Variants in WFDC9 observed in about 807,000 individuals in gnomAD.
WFDC9 encodes the protein WAP four-disulfide core domain 9.
In WFDC9, 9 loss-of-function variants were observed where a neutral mutation model predicts 9.5. The ratio of observed to expected loss-of-function variants is 0.95; its 90% CI spans 0.57 to 1.65. The LOEUF (loss-of-function observed/expected upper bound fraction) is 1.65, where lower values mean the gene tolerates loss of function less well. WFDC9 is among the 40% of genes most tolerant of loss of function. The probability of loss-of-function intolerance (pLI) is 0.00; values close to 1 mark genes in which losing one functional copy is unlikely to be tolerated. For synonymous variants in WFDC9, 33 were observed against 32.3 expected, an observed-to-expected ratio of 1.02 and a Z score of -0.07; for missense variants, 87 against 106.7, an observed-to-expected ratio of 0.82 and a Z score of 0.81.
At chr20:45,616,268 C>A (rs573149111) in intron 1 of WFDC9, among the ~76,000 whole-genome samples, 23 of 152,176 alleles carry the variant, frequency 1.5e-4, no homozygotes, top group Non-Finnish European at 3.2e-4. Flanking sequence ...TCACCAGGAG[C>A]AGATTCCATT....
chr20:45,625,208 C>G (rs1982190048), intron 1 of WFDC9, among the ~76,000 whole-genome samples: 1 of 152,044 alleles, frequency 6.6e-6, no homozygotes. Flanking sequence ...GAAACTGCAC[C>G]TTTTAAACAA....
intron 1 of WFDC9, among the ~76,000 whole-genome samples, chr20:45,615,531 AG>A (rs1981953671): frequency 6.6e-6 from 1 of 152,228 alleles, no homozygotes; most frequent in African/African-American, 2.4e-5. Flanking sequence ...ACCATAAAAA[AG>A]GTAATATTGC....
chr20:45,627,290 T>C (rs1176788385), intron 1 of WFDC9, among the ~76,000 whole-genome samples: 4 of 152,210 alleles, frequency 2.6e-5, no homozygotes, highest in Non-Finnish European at 4.4e-5. Context: ...TTATGCTGTC[T>C]TGTTATTGTC....
At chr20:45,609,209 T>TC (rs1470714495) in intron 3 of WFDC9, among the ~76,000 whole-genome samples, 3 of 141,836 alleles carry the variant, frequency 2.1e-5, no homozygotes, top group Non-Finnish European at 3.0e-5. Context: ...CCCCTTCTCT[T>TC]TTTTTTTTTT....
At chr20:45,611,473 T>C (rs960992725) in intron 2 of WFDC9, among the ~76,000 whole-genome samples, 1 of 152,198 alleles carries the variant, frequency 6.6e-6, no homozygotes, top group African/African-American at 2.4e-5. Flanking sequence ...TGTGGAGACC[T>C]ACCTAAATTT....
At chr20:45,619,587 A>G (rs905864960) in intron 1 of WFDC9, among the ~76,000 whole-genome samples, 23 of 152,252 alleles carry the variant, frequency 1.5e-4, no homozygotes, top group Admixed American at 1.2e-3. Flanking sequence ...AGAAACAAAG[A>G]GAACAGATAA....
At chr20:45,623,784 C>T (rs1982154840) in intron 1 of WFDC9, among the ~76,000 whole-genome samples, 1 of 152,144 alleles carries the variant, frequency 6.6e-6, no homozygotes, top group African/African-American at 2.4e-5. Flanking sequence ...TGGGAACATT[C>T]AATATCTTCC....
At chr20:45,621,491 TA>T (rs1359967511) in intron 1 of WFDC9, among the ~76,000 whole-genome samples, 2 of 152,224 alleles carry the variant, frequency 1.3e-5, no homozygotes, top group Admixed American at 1.3e-4. Context: ...TTGGCATCCA[TA>T]AGCCTGAATT....
intron 1 of WFDC9, among the ~76,000 whole-genome samples, chr20:45,622,805 G>C (rs1982130878): frequency 6.6e-6 from 1 of 152,000 alleles, no homozygotes; most frequent in African/African-American, 2.4e-5. Flanking sequence ...TGTATTATTT[G>C]CTATCAGTCA....
In WFDC9 at chr20:45,629,503, TC is replaced by T. The variant is rs1982302843; in HGVS notation, c.-153+1699del. 4.2e-5 allele frequency: 9 copies of T among 215,172 alleles called. No individual in the cohort carries two copies. The East Asian group carries it at 9.1e-4, about 22-fold the overall frequency. The allele number at this position is 215,172 out of a possible 1,614,324, so 13.3% of individuals were successfully genotyped here. A position where few individuals can be genotyped will look rare whatever the true frequency, so the allele number is the denominator to read the frequency against. On this transcript the variant is annotated intron_variant, in intron 1 of 4. Transcript: ENST00000326000. ...ACAATATATTTTTTCTTTTCTTTTT[TC>T]CATAAAACATTTTGTAATTAGAAAG...
chr20:45,608,233 G>A (rs1167575934), intron 4 of WFDC9, 93 bp from the exon 5 acceptor site: 3 of 1,383,968 alleles, frequency 2.2e-6, no homozygotes, highest in Non-Finnish European at 2.0e-6. Flanking sequence ...AAAAAGGACA[G>A]CAATTCTTCT....
chr20:45,610,253 A>T lies in WFDC9; in HGVS notation c.-58-14T>A. 7.5e-7 allele frequency: 1 copy of T among 1,341,770 alleles called. No homozygotes were observed. The highest frequency in any genetic ancestry group is 2.3e-5 in the East Asian group (1 of 42,628). The allele number at this position is 1,341,770 out of a possible 1,614,324, so 83.1% of individuals were successfully genotyped here. A position where few individuals can be genotyped will look rare whatever the true frequency, so the allele number is the denominator to read the frequency against. On this transcript the variant is annotated splice_polypyrimidine_tract_variant and intron_variant, in intron 2 of 4. Coordinates refer to ENST00000326000, the MANE Select transcript of WFDC9 (RefSeq NM_147198.4). ...CTTTTCCCAATACTGCTAGACGTAG[A>T]AAATGGATTGAGGAGAACAGGGTAA...
At chr20:45,623,150 A>T (rs149431958) in intron 1 of WFDC9, among the ~76,000 whole-genome samples, 26 of 152,316 alleles carry the variant, frequency 1.7e-4, no homozygotes, top group Admixed American at 1.6e-3. Context: ...TAATGGTCAT[A>T]CAGTTATTCA....
chr20:45,608,924 G>A, intron 3 of WFDC9, 114 bp from the exon 4 acceptor site: 1 of 1,194,540 alleles, frequency 8.4e-7, no homozygotes, highest in South Asian at 1.7e-5. Context: ...GTATTTCTCT[G>A]CCTTCCAAGA....
chr20:45,609,242 C>T lies in WFDC9; in HGVS notation c.92-432G>A, dbSNP rs1351095553. Among the ~76,000 whole-genome samples, 6 of 149,998 alleles carry T rather than the reference C, an allele frequency of 4.0e-5. No homozygotes were observed. The South Asian group carries it at 8.4e-4, about 21-fold the overall frequency. ...TTTTTGAGACAGAGTCTTGCCCTGT[C>T]GCCCAGGCTGGAGTGCAACGGCATG... On this transcript the variant is annotated intron_variant, in intron 3 of 4. Transcript: ENST00000326000.
intron 4 of WFDC9, among the ~76,000 whole-genome samples, chr20:45,608,352 C>T (rs918497187): frequency 3.9e-5 from 6 of 152,056 alleles, no homozygotes; most frequent in African/African-American, 1.4e-4. Flanking sequence ...GTAGAGCGCC[C>T]ATGGAGACGC....
chr20:45,619,107 T>A (rs2145598876), intron 1 of WFDC9, among the ~76,000 whole-genome samples: 1 of 152,276 alleles, frequency 6.6e-6, no homozygotes, highest in East Asian at 1.9e-4. Flanking sequence ...CTGAAGGAAA[T>A]TTTGACAGGG....
intron 3 of WFDC9, 131 bp from the exon 4 acceptor site, chr20:45,608,941 C>T (rs745971457): frequency 1.5e-4 from 154 of 1,040,488 alleles, no homozygotes; most frequent in Non-Finnish European, 1.8e-4. Flanking sequence ...AAGAAAATCC[C>T]TTCCTCAAAT....
chr20:45,619,385 TCTGAAATA>T (rs1982044134), intron 1 of WFDC9, among the ~76,000 whole-genome samples: 1 of 152,200 alleles, frequency 6.6e-6, no homozygotes, highest in South Asian at 2.1e-4. Flanking sequence ...CAGTGCAGTA[TCTGAAATA>T]CTGTATCCAA....
Sources: gnomAD v4.1 joint callset for allele counts (sites outside exome capture counted in the v4.1 genomes callset) on GRCh38, gnomAD v4.1.1 for gene constraint, MANE v1.5 for transcripts, NCBI Gene and HGNC (gene_info 2026-07-23, HGNC 2026-07-21) for gene names.